The following RBFOX1 variants were observed in gnomAD, a reference collection of about 807,000 sequenced individuals.
RBFOX1 encodes the protein RNA binding fox-1 homolog 1, also known as RNA binding protein fox-1 homolog 1.
A neutral mutation model predicts 57.7 loss-of-function variants in RBFOX1; 8 were observed. The observed-to-expected ratio is 0.14, with a 90% CI of 0.08 to 0.25. The LOEUF (loss-of-function observed/expected upper bound fraction) is 0.25, where lower values mean the gene tolerates loss of function less well. Among genes scored for constraint, RBFOX1 ranks in the 10% least tolerant of loss-of-function variants. The probability of loss-of-function intolerance (pLI) is 1.00; values close to 1 mark genes in which losing one functional copy is unlikely to be tolerated. For missense variants in RBFOX1, 611 were observed against 548.5 expected (o/e 1.11, Z -1.14); for synonymous variants, 326 against 222.4 (o/e 1.47, Z -4.15).
chr16:6,964,768 A>G (rs1284416034), intron 3 of RBFOX1, among the ~76,000 whole-genome samples: 1 of 152,166 alleles, frequency 6.6e-6, no homozygotes, highest in African/African-American at 2.4e-5. Context: ...AGCCTTTAAG[A>G]ACTTCTCAGC....
intron 3 of RBFOX1, among the ~76,000 whole-genome samples, chr16:6,699,102 C>T (rs901051581): frequency 6.6e-6 from 1 of 152,072 alleles, no homozygotes; most frequent in Admixed American, 6.6e-5. Context: ...AGCATGCAGC[C>T]ATCATCAGTA....
At chr16:5,917,171 G>A (rs774641248) in intron 4 of RBFOX1, among the ~76,000 whole-genome samples, 2 of 152,100 alleles carry the variant, frequency 1.3e-5, no homozygotes, top group Admixed American at 1.3e-4. Flanking sequence ...ACCACAGGAT[G>A]CCAGGCTGTT....
At chr16:5,865,504 G>C (rs990292222) in intron 3 of RBFOX1, among the ~76,000 whole-genome samples, 2 of 152,144 alleles carry the variant, frequency 1.3e-5, no homozygotes, top group Non-Finnish European at 2.9e-5. Flanking sequence ...CTCCTGTTTA[G>C]AGGGCTAATG....
intron 3 of RBFOX1, among the ~76,000 whole-genome samples, chr16:5,793,011 C>T (rs1386033645): frequency 1.3e-5 from 2 of 152,192 alleles, no homozygotes. Flanking sequence ...GGAAGAAAAT[C>T]TACATAGAAA....
At chr16:6,613,706 G>A (rs963685066) in intron 2 of RBFOX1, among the ~76,000 whole-genome samples, 5 of 152,164 alleles carry the variant, frequency 3.3e-5, no homozygotes, top group Non-Finnish European at 5.9e-5. Context: ...AAGTACCAAG[G>A]AGGGCAGATC....
chr16:6,286,617 G>C (rs1299264877), intron 1 of RBFOX1, among the ~76,000 whole-genome samples: 4 of 152,152 alleles, frequency 2.6e-5, no homozygotes, highest in Admixed American at 1.3e-4. Flanking sequence ...TATTTTTACA[G>C]ATCTGACTTC....
At chr16:7,371,412 C>T (rs2097563150) in intron 4 of RBFOX1, among the ~76,000 whole-genome samples, 1 of 152,162 alleles carries the variant, frequency 6.6e-6, no homozygotes, top group Admixed American at 6.5e-5. Context: ...TAATCAGTAT[C>T]AGCGGCCATT....
intron 4 of RBFOX1, among the ~76,000 whole-genome samples, chr16:7,245,341 T>G (rs2094246694): frequency 6.6e-6 from 1 of 152,182 alleles, no homozygotes; most frequent in South Asian, 2.1e-4. Context: ...TATTTTAGGT[T>G]CCAAGATACA....
rs141341806 is a variant in RBFOX1, at chr16:6,762,514, C to A, written c.-16+107864C>A. ...TAGTTTATGGCTCACCAGTGTTACC[C>A]CTTTACAAGGTATACGCCCACGGTC... is the stretch of plus-strand genomic sequence containing the variant. On this transcript the variant is annotated intron_variant, in intron 3 of 15. Transcript: ENST00000550418. 1.4e-3 allele frequency among the ~76,000 whole-genome samples: 219 copies of A among 152,178 alleles called. 1 individual carries two copies. The Middle Eastern group carries it at 0.024, about 17-fold the overall frequency.
chr16:5,794,986 A>T (rs2054828586), intron 3 of RBFOX1, among the ~76,000 whole-genome samples: 3 of 152,198 alleles, frequency 2.0e-5, no homozygotes, highest in Non-Finnish European at 4.4e-5. Context: ...AAGGAGTCAC[A>T]TTCAAGCCAA....
intron 2 of RBFOX1, among the ~76,000 whole-genome samples, chr16:6,508,282 G>A (rs941926081): frequency 6.6e-6 from 1 of 152,100 alleles, no homozygotes; most frequent in Non-Finnish European, 1.5e-5. Context: ...TATTACCTGG[G>A]TGATGGAATA....
chr16:6,754,751 T>A (rs912408507), intron 3 of RBFOX1, among the ~76,000 whole-genome samples: 5 of 152,064 alleles, frequency 3.3e-5, no homozygotes, highest in African/African-American at 1.2e-4. Context: ...ATGTGCACAA[T>A]GTGCAGGTTA....
At chr16:6,176,447 C>T (rs2097010528) in intron 1 of RBFOX1, among the ~76,000 whole-genome samples, 1 of 151,366 alleles carries the variant, frequency 6.6e-6, no homozygotes, top group South Asian at 2.1e-4. Flanking sequence ...GCATGAGCTA[C>T]TGTGCCCAGC....
intron 1 of RBFOX1, among the ~76,000 whole-genome samples, chr16:6,193,425 T>TATATATATATAA (rs1243693521): frequency 9.4e-6 from 1 of 106,504 alleles, no homozygotes; most frequent in African/African-American, 3.2e-5. Context: ...TATATATATA[T>TATATATATATAA]AAAATTCAGT....
intron 4 of RBFOX1, among the ~76,000 whole-genome samples, chr16:5,968,688 T>C (rs1450955907): frequency 2.6e-5 from 4 of 152,156 alleles, no homozygotes; most frequent in Non-Finnish European, 5.9e-5. Context: ...TTGAGAACAC[T>C]ATTTGCAGGT....
rs117219935 is a variant in RBFOX1, at chr16:7,162,131, G to A, written c.27+110033G>A. Among the ~76,000 whole-genome samples the A allele has an allele frequency of 2.9e-4, 44 of 152,288 alleles. No individual in the cohort carries two copies. The East Asian group carries it at 7.0e-3, about 24-fold the overall frequency. On this transcript the variant is annotated intron_variant, in intron 4 of 15. Transcript: ENST00000550418. The stretch of plus-strand genomic sequence containing the variant: ...GAAACCCCTCTAAGCTCCAAGAGAC[G>A]TGCCAGGGAAGCCAGTGCTTTTCCC...
chr16:5,783,749 A>G (rs917205386), intron 3 of RBFOX1, among the ~76,000 whole-genome samples: 1 of 152,224 alleles, frequency 6.6e-6, no homozygotes, highest in African/African-American at 2.4e-5. Flanking sequence ...AAAACTTACC[A>G]AAAACCTCCC....
intron 3 of RBFOX1, among the ~76,000 whole-genome samples, chr16:6,694,115 G>C (rs1318032057): frequency 6.6e-6 from 1 of 152,188 alleles, no homozygotes; most frequent in Non-Finnish European, 1.5e-5. Context: ...TTGGAGAAGA[G>C]TTTCATCTTT....
At position 6,161,097 on chromosome 16, in the gene RBFOX1, A is replaced by C. The variant is rs531816104; in HGVS notation, c.-127+141105A>C. ...TCATTGTTAAATAAATAAATGGAGAAGTGATCACTGGCTGGGCACAGTGAC... is the reference window on the plus strand; with the variant it reads ...TCATTGTTAAATAAATAAATGGAGACGTGATCACTGGCTGGGCACAGTGAC... On this transcript the variant is annotated intron_variant, in intron 1 of 15. Coordinates refer to ENST00000550418, the MANE Select transcript of RBFOX1 (RefSeq NM_018723.4). Among the ~76,000 whole-genome samples, 6 of 152,250 alleles carry C rather than the reference A, an allele frequency of 3.9e-5. No individual in the cohort carries two copies. The South Asian group carries it at 1.2e-3, about 32-fold the overall frequency.
Sources: allele counts gnomAD v4.1 joint callset (sites outside exome capture counted in the v4.1 genomes callset), GRCh38; gene constraint gnomAD v4.1.1; transcripts MANE v1.5; gene names NCBI Gene and HGNC (gene_info 2026-07-23, HGNC 2026-07-21).